Variants in ADAM7 observed in about 807,000 individuals in gnomAD.
ADAM7 encodes ADAM metallopeptidase domain 7.
A neutral mutation model predicts 102.9 loss-of-function variants in ADAM7; 97 were observed. The ratio of observed to expected loss-of-function variants is 0.94; its 90% CI spans 0.80 to 1.12. The LOEUF is 1.12. Ranked by LOEUF, ADAM7 falls within the 50% of genes most tolerant of loss-of-function variation. The probability of loss-of-function intolerance (pLI) is 0.00; values close to 1 mark genes in which losing one functional copy is unlikely to be tolerated. For missense variants in ADAM7, 991 were observed against 908.7 expected (o/e 1.09, Z -1.16); for synonymous variants, 334 against 304.4 (o/e 1.10, Z -1.01).
chr8:24,462,646 A>G (rs1287777478), intron 3 of ADAM7, among the ~76,000 whole-genome samples: 1 of 152,152 alleles, frequency 6.6e-6, no homozygotes, highest in Non-Finnish European at 1.5e-5. Flanking sequence ...ATCCAGAACT[A>G]AATATTTATA....
intron 12 of ADAM7, 196 bp from the exon 13 acceptor site, chr8:24,490,603 C>T (rs1329664141): frequency 5.4e-6 from 3 of 557,882 alleles, no homozygotes; most frequent in African/African-American, 3.8e-5. Flanking sequence ...ATGTACCAAA[C>T]AGCACGAGAG....
chr8:24,448,673 T>C (rs1199355635), intron 3 of ADAM7, among the ~76,000 whole-genome samples: 1 of 151,646 alleles, frequency 6.6e-6, no homozygotes, highest in Non-Finnish European at 1.5e-5. Context: ...ATTATTATTA[T>C]TATTATTATT....
At chr8:24,492,197 T>G in intron 14 of ADAM7, 99 bp downstream of exon 14, 1 of 1,187,366 alleles carries the variant, frequency 8.4e-7, no homozygotes, top group Non-Finnish European at 1.2e-6. Flanking sequence ...ATAATGTCAT[T>G]TGTGGCATTA....
intron 3 of ADAM7, among the ~76,000 whole-genome samples, chr8:24,455,204 A>G (rs535993066): frequency 6.6e-6 from 1 of 152,336 alleles, no homozygotes; most frequent in African/African-American, 2.4e-5. Context: ...GCTAACATAT[A>G]CATATACCCA....
intron 3 of ADAM7, among the ~76,000 whole-genome samples, chr8:24,455,788 A>G (rs1185470500): frequency 6.6e-6 from 1 of 152,206 alleles, no homozygotes; most frequent in Non-Finnish European, 1.5e-5. Flanking sequence ...CCATCTACAT[A>G]TTTGTTGAAT....
At chr8:24,468,539 A>G (rs541395889) in intron 6 of ADAM7, among the ~76,000 whole-genome samples, 13 of 152,130 alleles carry the variant, frequency 8.5e-5, no homozygotes, top group Non-Finnish European at 1.8e-4. Context: ...GAAAAGAAAA[A>G]AAAGAACAAA....
intron 6 of ADAM7, 121 bp from the exon 7 acceptor site, chr8:24,468,646 C>T (rs1819508248): frequency 1.3e-6 from 1 of 781,196 alleles, no homozygotes; most frequent in Non-Finnish European, 2.1e-6. Context: ...CATATGCCTC[C>T]CCATTTTGTA....
intron 3 of ADAM7, among the ~76,000 whole-genome samples, chr8:24,451,860 C>T (rs1486840283): frequency 2.7e-5 from 4 of 150,198 alleles, no homozygotes; most frequent in African/African-American, 7.3e-5. Flanking sequence ...TCTTTGTTCT[C>T]GTTGGTTTCA....
At chr8:24,449,050 T>C (rs933926029) in intron 3 of ADAM7, among the ~76,000 whole-genome samples, 20 of 152,260 alleles carry the variant, frequency 1.3e-4, no homozygotes, top group Non-Finnish European at 2.6e-4. Context: ...TCCAGTCTAT[T>C]ATTGTTGGAC....
At chr8:24,498,596 T>C (rs1195272804) in intron 16 of ADAM7, among the ~76,000 whole-genome samples, 1 of 151,412 alleles carries the variant, frequency 6.6e-6, no homozygotes, top group Non-Finnish European at 1.5e-5. Flanking sequence ...ATGTATTAAG[T>C]TCTCCCTACA....
At chr8:24,455,643 C>A (rs187551705) in intron 3 of ADAM7, among the ~76,000 whole-genome samples, 1 of 152,346 alleles carries the variant, frequency 6.6e-6, no homozygotes, top group East Asian at 1.9e-4. Context: ...TAGGTTCAAG[C>A]AGTCCTCCTG....
intron 2 of ADAM7, among the ~76,000 whole-genome samples, chr8:24,444,015 G>A (rs1244903393): frequency 2.0e-5 from 3 of 150,542 alleles, no homozygotes; most frequent in Non-Finnish European, 4.4e-5. Flanking sequence ...CTTGGATAAG[G>A]GCAAGGAATA....
chr8:24,484,754 G>GT, intron 9 of ADAM7, among the ~76,000 whole-genome samples: 2 of 130,966 alleles, frequency 1.5e-5, no homozygotes, highest in East Asian at 4.6e-4. Context: ...GTATTTTTTT[G>GT]TTTTTTGTTT....
intron 9 of ADAM7, among the ~76,000 whole-genome samples, 187 bp from the exon 10 acceptor site, chr8:24,485,090 T>G (rs188834612): frequency 3.1e-4 from 47 of 152,236 alleles, no homozygotes; most frequent in African/African-American, 1.1e-3. Flanking sequence ...TCAATGCCTC[T>G]AATATCCCAC....
intron 20 of ADAM7, chr8:24,506,273 C>A: frequency 1.2e-6 from 1 of 820,904 alleles, no homozygotes. Flanking sequence ...ACATCGATAG[C>A]TCTCTGATCG....
Position 24,482,213 on chromosome 8 carries a change from A to T in ADAM7, c.777A>T (p.Glu259Asp). ...TATGGACACATGAAGATAAAATAGA[A>T]CTATATTCAAATATAGAAACTACCT... Reference protein sequence around the residue: ...IEIWTHEDKIELYSNIETTLL... With the variant: ...IEIWTHEDKIDLYSNIETTLL... The change falls in exon 9 of 22, where the codon GAA (glutamate) becomes GAT (aspartate). Residue 259 changes from glutamate to aspartate, a missense_variant. Transcript: ENST00000175238. 1 of 1,608,350 alleles carries T rather than the reference A, an allele frequency of 6.2e-7. No individual in the cohort carries two copies. Among genetic ancestry groups the T allele is most frequent in the Non-Finnish European group, 8.5e-7 (1 of 1,177,422 alleles).
At chr8:24,457,432 T>A (rs1369146256) in intron 3 of ADAM7, among the ~76,000 whole-genome samples, 2 of 152,074 alleles carry the variant, frequency 1.3e-5, no homozygotes, top group African/African-American at 4.8e-5. Flanking sequence ...TCCACCACCA[T>A]GACTGGCAAA....
intron 1 of ADAM7, 75 bp from the exon 2 acceptor site, chr8:24,442,398 A>G (rs1818405144): frequency 3.0e-6 from 3 of 1,000,030 alleles, no homozygotes; most frequent in African/African-American, 1.6e-5. Context: ...ACTGTATTAG[A>G]ACAATTCTGT....
At chr8:24,506,753 G>GCACA (rs71549838) in intron 20 of ADAM7, among the ~76,000 whole-genome samples, 2,446 of 144,262 alleles carry the variant, frequency 0.017, 31 homozygotes, top group African/African-American at 0.034. Flanking sequence ...CTGAGTCAAA[G>GCACA]CACACACACA....
Sources: allele counts gnomAD v4.1 joint callset (sites outside exome capture counted in the v4.1 genomes callset), GRCh38; gene constraint gnomAD v4.1.1; transcripts MANE v1.5; gene names NCBI Gene and HGNC (gene_info 2026-07-23, HGNC 2026-07-21).